The following GALNT13 variants were observed in gnomAD, a reference collection of about 807,000 sequenced individuals.
The protein encoded by GALNT13 is polypeptide N-acetylgalactosaminyltransferase 13.
Under a neutral mutation model 64.2 loss-of-function variants are expected in GALNT13, and 28 were observed. The ratio of observed to expected loss-of-function variants is 0.44; its 90% CI spans 0.32 to 0.60. The LOEUF (loss-of-function observed/expected upper bound fraction) is 0.60, where lower values mean the gene tolerates loss of function less well. Ranked by LOEUF, GALNT13 falls within the 20% of genes least tolerant of loss-of-function variation. The pLI is 0.05. For synonymous variants in GALNT13, 214 were observed against 224.6 expected, an observed-to-expected ratio of 0.95 and a Z score of 0.42; for missense variants, 577 against 669.8, an observed-to-expected ratio of 0.86 and a Z score of 1.53.
At chr2:153,757,959 TC>T in the GALNT13 span, among the ~76,000 whole-genome samples, 15 of 152,178 alleles carry the variant, frequency 9.9e-5, no homozygotes, top group Admixed American at 9.2e-4. Context: ...TTAATTTTTT[TC>T]TTTACCCTAC....
At chr2:154,229,135 GA>G (rs996341084) in intron 4 of GALNT13, among the ~76,000 whole-genome samples, 8 of 149,180 alleles carry the variant, frequency 5.4e-5, no homozygotes, top group East Asian at 2.0e-4. Context: ...CCAAAAAAAA[GA>G]AAAAAAAATG....
the GALNT13 span, among the ~76,000 whole-genome samples, chr2:153,571,530 A>G: frequency 1.3e-5 from 2 of 152,144 alleles, no homozygotes; most frequent in East Asian, 3.9e-4. Context: ...TGTTCCAGAT[A>G]TTAGAGGAAA....
chr2:153,406,637 G>T, the GALNT13 span, among the ~76,000 whole-genome samples: 1 of 152,096 alleles, frequency 6.6e-6, no homozygotes, highest in Non-Finnish European at 1.5e-5. Context: ...TGAACTCCTG[G>T]CCTCAAGTGT....
At chr2:154,154,748 T>G (rs1684298607) in intron 4 of GALNT13, among the ~76,000 whole-genome samples, 1 of 152,132 alleles carries the variant, frequency 6.6e-6, no homozygotes, top group African/African-American at 2.4e-5. Flanking sequence ...TTTGTATGTG[T>G]AAGTATTTGT....
chr2:153,658,179 A>G, the GALNT13 span, among the ~76,000 whole-genome samples: 3 of 152,118 alleles, frequency 2.0e-5, no homozygotes, highest in African/African-American at 7.2e-5. Flanking sequence ...TACATAAACC[A>G]TTCATTCTAC....
chr2:153,761,181 A>T, the GALNT13 span, among the ~76,000 whole-genome samples: 1 of 151,784 alleles, frequency 6.6e-6, no homozygotes, highest in Non-Finnish European at 1.5e-5. Flanking sequence ...CAAGTCAGTA[A>T]CTCTATGTCT....
At chr2:153,516,586 T>A in the GALNT13 span, among the ~76,000 whole-genome samples, 1 of 151,966 alleles carries the variant, frequency 6.6e-6, no homozygotes, top group Non-Finnish European at 1.5e-5. Flanking sequence ...TAATGAAATA[T>A]GAGAAAAAGG....
the GALNT13 span, among the ~76,000 whole-genome samples, chr2:153,714,550 C>T: frequency 6.6e-6 from 1 of 152,038 alleles, no homozygotes; most frequent in Non-Finnish European, 1.5e-5. Context: ...AGCCAGAGAC[C>T]AATTTTTTTA....
the GALNT13 span, among the ~76,000 whole-genome samples, chr2:153,417,411 T>C: frequency 5.9e-5 from 9 of 152,232 alleles, no homozygotes; most frequent in Admixed American, 3.3e-4. Context: ...CTTAGATTGA[T>C]AGGTTAAGAA....
the GALNT13 span, among the ~76,000 whole-genome samples, chr2:153,275,764 T>C: frequency 6.6e-6 from 1 of 152,158 alleles, no homozygotes; most frequent in African/African-American, 2.4e-5. Context: ...ATTACAATAA[T>C]ATAGTCTTAT....
chr2:154,423,397 C>T (rs571278947), intron 11 of GALNT13, among the ~76,000 whole-genome samples: 4 of 152,198 alleles, frequency 2.6e-5, no homozygotes, highest in African/African-American at 9.6e-5. Context: ...TTTATAGTAG[C>T]ATGATTTGTA....
the GALNT13 span, among the ~76,000 whole-genome samples, chr2:153,346,143 TTGAAC>T: frequency 2.6e-4 from 40 of 152,276 alleles, no homozygotes; most frequent in South Asian, 1.0e-3. Flanking sequence ...CAGCTTGGTC[TTGAAC>T]TCCGAAGCTC....
At chr2:153,647,898 G>A in the GALNT13 span, among the ~76,000 whole-genome samples, 8 of 152,220 alleles carry the variant, frequency 5.3e-5, no homozygotes, top group Admixed American at 6.5e-5. Flanking sequence ...GTCAGGTAGC[G>A]TGATGTCTCC....
chr2:154,414,974 C>G (rs1699946657), intron 11 of GALNT13, among the ~76,000 whole-genome samples: 1 of 151,638 alleles, frequency 6.6e-6, no homozygotes, highest in Non-Finnish European at 1.5e-5. Context: ...TATGTTATAT[C>G]TACTCAAACT....
chr2:154,345,745 A>C (rs1335550354), intron 9 of GALNT13, among the ~76,000 whole-genome samples: 2 of 151,998 alleles, frequency 1.3e-5, no homozygotes, highest in African/African-American at 2.4e-5. Context: ...AGATCCTTGG[A>C]GATAACTCAT....
chr2:153,959,153 G>A (rs1692772695), intron 3 of GALNT13, among the ~76,000 whole-genome samples: 1 of 152,246 alleles, frequency 6.6e-6, no homozygotes, highest in African/African-American at 2.4e-5. Flanking sequence ...TAGAAAGAAT[G>A]TCAGTGCTGA....
At chr2:154,143,192 T>C (rs951711922) in intron 4 of GALNT13, among the ~76,000 whole-genome samples, 1 of 152,140 alleles carries the variant, frequency 6.6e-6, no homozygotes, top group African/African-American at 2.4e-5. Context: ...ATCCTTCGCA[T>C]GCGCAGTTCA....
chr2:153,984,828 A>G (rs60043895), intron 3 of GALNT13, among the ~76,000 whole-genome samples: 15,660 of 151,754 alleles, frequency 0.1, 1,944 homozygotes, highest in East Asian at 0.63. Flanking sequence ...ATAGTTTTCA[A>G]CACTATCAGG....
the GALNT13 span, among the ~76,000 whole-genome samples, chr2:153,566,348 G>GTTTTTTTTTTTT: frequency 1.4e-3 from 102 of 74,784 alleles, 6 homozygotes; most frequent in African/African-American, 2.8e-3. Context: ...TTCTAATCAC[G>GTTTTTTTTTTTT]TTTTTTTTTT....
Sources: allele counts gnomAD v4.1 joint callset (sites outside exome capture counted in the v4.1 genomes callset), GRCh38; gene constraint gnomAD v4.1.1; transcripts MANE v1.5; gene names NCBI Gene and HGNC (gene_info 2026-07-23, HGNC 2026-07-21).